The following SHCBP1 variants were observed in gnomAD, a reference collection of about 807,000 sequenced individuals.
The protein encoded by SHCBP1 is SHC binding and spindle associated 1.
SHCBP1 carries 60 observed loss-of-function variants against 75.1 expected under a neutral mutation model. That is an observed-to-expected ratio of 0.80 (90% CI 0.65 to 0.99). The LOEUF is 0.99. Among genes scored for constraint, SHCBP1 ranks in the 50% least tolerant of loss-of-function variants. The probability of loss-of-function intolerance (pLI) is 0.00; values close to 1 mark genes in which losing one functional copy is unlikely to be tolerated. For missense variants in SHCBP1, 709 were observed against 809.4 expected, an observed-to-expected ratio of 0.88 and a Z score of 1.50; for synonymous variants, 290 against 293.2, an observed-to-expected ratio of 0.99 and a Z score of 0.11.
intron 9 of SHCBP1, among the ~76,000 whole-genome samples, 187 bp from the exon 10 acceptor site, chr16:46,595,857 TA>T (rs1965130416): frequency 6.6e-6 from 1 of 152,038 alleles, no homozygotes; most frequent in South Asian, 2.1e-4. Flanking sequence ...TTCTACAATC[TA>T]AAAGCAACAT....
chr16:46,595,587 A>G lies in SHCBP1; in HGVS notation c.1429T>C (p.Phe477Leu), dbSNP rs777521264. 2.5e-6 allele frequency: 4 copies of G among 1,613,706 alleles called. No homozygotes were observed. In the South Asian group the frequency reaches 4.4e-5, roughly 18 times the overall value. ...TGVTVRTSAEFLMKNSDLYGA... is the reference protein window; with the variant it reads ...TGVTVRTSAELLMKNSDLYGA... ...TATAAATCCGAGTTCTTCATTAGAA[A>G]CTCTGCTGATGTCCGCACTGTGACT... Residue 477 changes from phenylalanine (F) to leucine (L), a missense_variant, in exon 10 of 13, where the codon TTT becomes CTT. By Grantham distance (22) the Phe-to-Leu change is conservative. Transcript: ENST00000303383.
chr16:46,607,127 G>C (rs1162505551), intron 5 of SHCBP1, among the ~76,000 whole-genome samples: 2 of 152,168 alleles, frequency 1.3e-5, no homozygotes, highest in Non-Finnish European at 2.9e-5. Context: ...GGCGGAGGCA[G>C]GCAAATCACT....
intron 1 of SHCBP1, 34 bp downstream of exon 1, chr16:46,621,223 A>G: frequency 6.3e-7 from 1 of 1,580,568 alleles, no homozygotes; most frequent in South Asian, 1.1e-5. Flanking sequence ...CTCCGCTCAG[A>G]GGCGGCTCCT....
chr16:46,617,581 A>T (rs772431990), intron 3 of SHCBP1, 53 bp downstream of exon 3: 41 of 1,387,540 alleles, frequency 3.0e-5, no homozygotes, highest in Non-Finnish European at 4.2e-5. Context: ...TAACAGTCTG[A>T]AGTAAAGTGC....
At chr16:46,618,576 C>G (rs2334117) in intron 1 of SHCBP1, among the ~76,000 whole-genome samples, 2 of 119,346 alleles carry the variant, frequency 1.7e-5, no homozygotes, top group African/African-American at 5.1e-5. Context: ...AAACAATAAG[C>G]GCTTAAGATC....
intron 9 of SHCBP1, 29 bp from the exon 10 acceptor site, chr16:46,595,699 T>C: frequency 6.5e-7 from 1 of 1,547,912 alleles, no homozygotes; most frequent in Non-Finnish European, 8.9e-7. Flanking sequence ...CTGACTGTTT[T>C]AAGAAGTAAT....
intron 10 of SHCBP1, among the ~76,000 whole-genome samples, chr16:46,593,116 A>C (rs1965077411): frequency 6.6e-6 from 1 of 151,770 alleles, no homozygotes; most frequent in African/African-American, 2.4e-5. Context: ...AATTCTAGCC[A>C]GTGCAATAAG....
At chr16:46,596,306 G>A (rs1376861826) in intron 9 of SHCBP1, among the ~76,000 whole-genome samples, 1 of 151,944 alleles carries the variant, frequency 6.6e-6, no homozygotes, top group Non-Finnish European at 1.5e-5. Context: ...AGGAGTTCAA[G>A]ACCAACCTGG....
chr16:46,594,163 A>C lies in SHCBP1; in HGVS notation c.1464+1389T>G, dbSNP rs1596674922. ...AACGCTATAAAAATTTTAGAAAAAA[A>C]ATAGGAGAAAATCAGGATCTATGGC... On this transcript the variant is annotated intron_variant, in intron 10 of 12. Coordinates refer to ENST00000303383, the MANE Select transcript of SHCBP1 (RefSeq NM_024745.5). 3.9e-5 allele frequency among the ~76,000 whole-genome samples: 6 copies of C among 152,304 alleles called. 1 individual carries two copies. Among genetic ancestry groups the C allele is most frequent in the Admixed American group, 3.9e-4 (6 of 15,278 alleles).
chr16:46,583,486 G>A, intron 12 of SHCBP1, 30 bp downstream of exon 12: 1 of 1,568,824 alleles, frequency 6.4e-7, no homozygotes. Flanking sequence ...AATTATGTCT[G>A]GTTTTTATAT....
At position 46,603,959 on chromosome 16, in the gene SHCBP1, G is replaced by A; in HGVS notation, c.1092+16C>T. On this transcript the variant is annotated intron_variant, in intron 7 of 12. Transcript: ENST00000303383. Reference sequence around the variant, plus strand: ...AAGGAAAAAAAGCCACCTGGAGTGAGAAACTCTCCGTTTACCTGAATTTCT... The same window carrying A: ...AAGGAAAAAAAGCCACCTGGAGTGAAAAACTCTCCGTTTACCTGAATTTCT... The A allele has an allele frequency of 6.3e-7, 1 of 1,597,308 alleles. No homozygotes were observed. Among genetic ancestry groups the A allele is most frequent in the South Asian group, 1.1e-5 (1 of 87,850 alleles).
intron 10 of SHCBP1, among the ~76,000 whole-genome samples, chr16:46,594,981 C>G (rs946365429): frequency 1.3e-5 from 2 of 152,170 alleles, no homozygotes; most frequent in Non-Finnish European, 2.9e-5. Flanking sequence ...GTGAGAAAAG[C>G]CAATCCCAAA....
chr16:46,600,911 G>A (rs931520414), intron 8 of SHCBP1, among the ~76,000 whole-genome samples: 16 of 152,096 alleles, frequency 1.1e-4, no homozygotes, highest in African/African-American at 2.4e-4. Context: ...TCAGGAGGCC[G>A]AGGTGGGAGA....
rs748284398 is a variant in SHCBP1 at position 46,621,241 on chromosome 16, G to A, written c.103+16C>T. 2.5e-6 allele frequency: 4 copies of A among 1,600,254 alleles called. No homozygotes were observed. The highest frequency in any genetic ancestry group is 8.5e-7 in the Non-Finnish European group (1 of 1,174,000). On this transcript the variant is annotated intron_variant, in intron 1 of 12. Coordinates refer to ENST00000303383, the MANE Select transcript of SHCBP1 (RefSeq NM_024745.5). ...CGCTCAGAGGCGGCTCCTCGGCCCC[G>A]GCATGGAGAGCTCACCTTTCTCCAG...
chr16:46,586,420 G>A (rs1335485600), intron 10 of SHCBP1, among the ~76,000 whole-genome samples: 1 of 152,136 alleles, frequency 6.6e-6, no homozygotes. Flanking sequence ...CCCAATAGCA[G>A]AGAAAACAGT....
At chr16:46,617,286 A>T (rs1012518948) in intron 3 of SHCBP1, among the ~76,000 whole-genome samples, 5 of 152,236 alleles carry the variant, frequency 3.3e-5, no homozygotes, top group African/African-American at 1.2e-4. Context: ...CATCTTAAAA[A>T]AAATAAATAA....
chr16:46,593,136 G>A (rs370138274), intron 10 of SHCBP1, among the ~76,000 whole-genome samples: 2 of 151,294 alleles, frequency 1.3e-5, no homozygotes, highest in African/African-American at 4.9e-5. Context: ...GGCAAGGGGG[G>A]AAAAAGGCAT....
Position 46,581,615 on chromosome 16 carries a change from C to T in SHCBP1, c.*114G>A. 1 of 986,454 alleles carries T rather than the reference C, an allele frequency of 1.0e-6. No individual in the cohort carries two copies. The highest frequency in any genetic ancestry group is 1.5e-6 in the Non-Finnish European group (1 of 661,124). The allele number at this position is 986,454 out of a possible 1,614,324, so 61.1% of individuals were successfully genotyped here. On this transcript the variant is annotated 3_prime_UTR_variant, in exon 13 of 13. Coordinates refer to ENST00000303383, the MANE Select transcript of SHCBP1 (RefSeq NM_024745.5). ...GAAATAAATCTACCTTTCACTCAAG[C>T]CCAAATAATCAAATATAAAATACAG...
Position 46,603,715 on chromosome 16 carries a change from G to A in SHCBP1, c.1093-56C>T, listed in dbSNP as rs114469585. On this transcript the variant is annotated intron_variant, in intron 7 of 12. Coordinates refer to ENST00000303383, the MANE Select transcript of SHCBP1 (RefSeq NM_024745.5). ...ATACACTCCCAAAAAAGTAATTTGAGTATTACTCTAGGTGACTTCATGTCT... is the reference window on the plus strand; with the variant it reads ...ATACACTCCCAAAAAAGTAATTTGAATATTACTCTAGGTGACTTCATGTCT... 13 of 1,600,892 alleles carry A rather than the reference G, an allele frequency of 8.1e-6. No individual in the cohort carries two copies. The East Asian group carries it at 2.7e-4, about 33-fold the overall frequency.
Sources: gnomAD v4.1 joint callset for allele counts (sites outside exome capture counted in the v4.1 genomes callset) on GRCh38, gnomAD v4.1.1 for gene constraint, MANE v1.5 for transcripts, NCBI Gene and HGNC (gene_info 2026-07-23, HGNC 2026-07-21) for gene names.